Variants in NTRK3 observed in about 807,000 individuals in gnomAD.
The protein encoded by NTRK3 is neurotrophic receptor tyrosine kinase 3, also known as NT-3 growth factor receptor.
Under a neutral mutation model 91.7 loss-of-function variants are expected in NTRK3, and 24 were observed. That is an observed-to-expected ratio of 0.26 (90% CI 0.19 to 0.37). The LOEUF (loss-of-function observed/expected upper bound fraction) is 0.37. Ranked by LOEUF, NTRK3 falls within the 10% of genes least tolerant of loss-of-function variation. The pLI is 1.00. For synonymous variants in NTRK3, 483 were observed against 404.0 expected (o/e 1.20, Z -2.34); for missense variants, 880 against 1,068.9 (o/e 0.82, Z 2.46).
intron 17 of NTRK3, among the ~76,000 whole-genome samples, chr15:87,921,181 C>T (rs1164709212): frequency 2.6e-5 from 4 of 152,166 alleles, no homozygotes. Context: ...CAACGCTCCT[C>T]CATTGTTCTC....
At chr15:87,860,422 C>T (rs975927140) in exon 19 of NTRK3, 14 of 220,042 alleles carry the variant, frequency 6.4e-5, no homozygotes, top group Non-Finnish European at 1.3e-4. Flanking sequence ...CAACATATCC[C>T]TTAATATCAA....
At chr15:88,017,889 A>G (rs1196631464) in intron 14 of NTRK3, among the ~76,000 whole-genome samples, 1 of 152,234 alleles carries the variant, frequency 6.6e-6, no homozygotes, top group Non-Finnish European at 1.5e-5. Flanking sequence ...GTTTAATCCC[A>G]ACACTTCTTC....
intron 13 of NTRK3, among the ~76,000 whole-genome samples, chr15:88,049,283 G>C (rs902040272): frequency 6.6e-6 from 1 of 152,038 alleles, no homozygotes; most frequent in Admixed American, 6.5e-5. Context: ...TAGTTTTCAA[G>C]AGTTTATGTT....
intron 5 of NTRK3, among the ~76,000 whole-genome samples, chr15:88,172,419 C>T (rs974142614): frequency 2.0e-5 from 3 of 152,146 alleles, no homozygotes; most frequent in African/African-American, 7.2e-5. Context: ...AGAAGAAAAT[C>T]TACTGAGAAT....
chr15:88,033,210 A>ATATATATATATATATATATATATATG (rs1301860999), intron 13 of NTRK3, among the ~76,000 whole-genome samples, 165 bp from the exon 14 acceptor site: 2 of 121,326 alleles, frequency 1.6e-5, no homozygotes, highest in African/African-American at 7.0e-5. Flanking sequence ...ATATATATAT[A>ATATATATATATATATATATATATATG]TATATAAATT....
intron 16 of NTRK3, chr15:87,931,009 C>A (rs143248362): frequency 7.6e-4 from 240 of 316,382 alleles, no homozygotes; most frequent in African/African-American, 5.1e-3. Flanking sequence ...AGGCAAGGCA[C>A]TGGCACTGCC....
At chr15:87,868,149 G>C (rs2064737928) in exon 19 of NTRK3, 1 of 231,768 alleles carries the variant, frequency 4.3e-6, no homozygotes, top group African/African-American at 2.2e-5. Flanking sequence ...CAGTAGGATT[G>C]TGGAGGCTTT....
At chr15:87,972,365 T>G (rs2073328375) in intron 14 of NTRK3, among the ~76,000 whole-genome samples, 1 of 152,316 alleles carries the variant, frequency 6.6e-6, no homozygotes, top group Non-Finnish European at 1.5e-5. Context: ...TCCCTCAAAC[T>G]TGGAAGAAGA....
At chr15:88,172,335 T>A (rs2045597126) in intron 5 of NTRK3, among the ~76,000 whole-genome samples, 1 of 152,124 alleles carries the variant, frequency 6.6e-6, no homozygotes, top group Non-Finnish European at 1.5e-5. Context: ...AATCTGTCTT[T>A]AACAAGAAAA....
chr15:88,229,697 G>A (rs1267505736), intron 3 of NTRK3, among the ~76,000 whole-genome samples: 1 of 152,176 alleles, frequency 6.6e-6, no homozygotes, highest in African/African-American at 2.4e-5. Flanking sequence ...GCACACAGGT[G>A]GGTGCAGCCT....
At chr15:88,105,975 C>A (rs2150924324) in intron 13 of NTRK3, among the ~76,000 whole-genome samples, 1 of 152,322 alleles carries the variant, frequency 6.6e-6, no homozygotes, top group Middle Eastern at 3.4e-3. Context: ...CAGTCTTAGC[C>A]CAGAGTGTTC....
At chr15:87,950,802 T>C (rs2071036798) in intron 14 of NTRK3, among the ~76,000 whole-genome samples, 1 of 152,192 alleles carries the variant, frequency 6.6e-6, no homozygotes, top group Admixed American at 6.5e-5. Context: ...TGCTCTCTGC[T>C]CAAACCTGCA....
chr15:88,173,098 G>A (rs186052966), intron 5 of NTRK3, among the ~76,000 whole-genome samples: 3 of 152,270 alleles, frequency 2.0e-5, no homozygotes, highest in East Asian at 1.9e-4. Context: ...AATAAAAGCA[G>A]GAAGGATCCA....
chr15:88,100,127 T>C (rs1441305204), intron 13 of NTRK3, among the ~76,000 whole-genome samples: 3 of 152,194 alleles, frequency 2.0e-5, no homozygotes, highest in Non-Finnish European at 4.4e-5. Flanking sequence ...ACTCCTGTGT[T>C]CCCTAAAACC....
chr15:88,233,177 C>G lies in NTRK3; in HGVS notation c.248+22729G>C, dbSNP rs1265177819. Among the ~76,000 whole-genome samples, 1 of 152,128 alleles carries G rather than the reference C, an allele frequency of 6.6e-6. No individual in the cohort carries two copies. The highest frequency in any genetic ancestry group is 1.5e-5 in the Non-Finnish European group (1 of 68,034). ...GGCTATTTTCCTCTGGAGCTAAAGC[C>G]TGAATAAGCAAAAAGAAAAAATTAA... On this transcript the variant is annotated intron_variant, in intron 3 of 18. Coordinates refer to ENST00000394480, the Ensembl canonical transcript of NTRK3. The surrounding 1 kb of genome is among the most constrained non-coding windows in gnomAD (Gnocchi z 4.2).
At chr15:88,177,409 A>G (rs2046098579) in intron 5 of NTRK3, among the ~76,000 whole-genome samples, 1 of 152,230 alleles carries the variant, frequency 6.6e-6, no homozygotes, top group African/African-American at 2.4e-5. Context: ...TTGGACCAAG[A>G]CAATAGATAT....
At chr15:88,147,796 C>T (rs970184230) in intron 5 of NTRK3, among the ~76,000 whole-genome samples, 4 of 152,126 alleles carry the variant, frequency 2.6e-5, no homozygotes, top group South Asian at 2.1e-4. Flanking sequence ...TTAACACGCA[C>T]ACAGGTCAAA....
intron 17 of NTRK3, among the ~76,000 whole-genome samples, chr15:87,924,421 C>T (rs1256751316): frequency 6.6e-6 from 1 of 152,094 alleles, no homozygotes; most frequent in East Asian, 1.9e-4. Context: ...GAATCCAGTG[C>T]CTTACTACCT....
intron 13 of NTRK3, among the ~76,000 whole-genome samples, chr15:88,112,503 A>G (rs2150986153): frequency 6.7e-6 from 1 of 149,558 alleles, no homozygotes; most frequent in South Asian, 2.1e-4. Context: ...AGAAGACAGA[A>G]GGAAGCGAGG....
Sources: gnomAD v4.1 joint callset for allele counts (sites outside exome capture counted in the v4.1 genomes callset) on GRCh38, gnomAD v4.1.1 for gene constraint, Gnocchi (gnomAD v3.1) non-coding constraint, MANE v1.5 for transcripts, NCBI Gene and HGNC (gene_info 2026-07-23, HGNC 2026-07-21) for gene names.